Variants in FAT3 observed in about 807,000 individuals in gnomAD.
The protein encoded by FAT3 is FAT atypical cadherin 3, also known as protocadherin Fat 3.
FAT3 carries 95 observed loss-of-function variants against 310.2 expected under a neutral mutation model. The ratio of observed to expected loss-of-function variants is 0.31; its 90% confidence interval spans 0.26 to 0.36. The LOEUF (loss-of-function observed/expected upper bound fraction) is 0.36. Ranked by LOEUF, FAT3 falls within the 10% of genes least tolerant of loss-of-function variation. The probability of loss-of-function intolerance (pLI) is 1.00; values close to 1 mark genes in which losing one functional copy is unlikely to be tolerated. For synonymous variants in FAT3, 2,314 were observed against 2,192.9 expected, an observed-to-expected ratio of 1.06 and a Z score of -1.54; for missense variants, 5,408 against 5,715.6, an observed-to-expected ratio of 0.95 and a Z score of 1.74.
At chr11:92,496,743 G>A (rs190133986) in intron 2 of FAT3, among the ~76,000 whole-genome samples, 48 of 152,024 alleles carry the variant, frequency 3.2e-4, no homozygotes, top group African/African-American at 1.1e-3. Context: ...GCAGCCCCAC[G>A]GTGTTAGATT....
At chr11:92,717,652 C>T (rs1277621820) in intron 4 of FAT3, among the ~76,000 whole-genome samples, 1 of 152,084 alleles carries the variant, frequency 6.6e-6, no homozygotes, top group Admixed American at 6.5e-5. Context: ...AGATTTTTTT[C>T]CTTTAATTCC....
At chr11:92,452,582 A>G (rs1475221954) in intron 2 of FAT3, among the ~76,000 whole-genome samples, 1 of 152,148 alleles carries the variant, frequency 6.6e-6, no homozygotes, top group East Asian at 1.9e-4. Context: ...AAGTACTACA[A>G]TGGGACCACA....
At chr11:92,304,773 A>G (rs1250216545) in intron 1 of FAT3, among the ~76,000 whole-genome samples, 2 of 152,078 alleles carry the variant, frequency 1.3e-5, no homozygotes, top group Non-Finnish European at 2.9e-5. Flanking sequence ...AAGCACAGGC[A>G]TGGGGTCCAA....
chr11:92,431,856 A>G (rs979659388), intron 2 of FAT3, among the ~76,000 whole-genome samples: 1 of 152,192 alleles, frequency 6.6e-6, no homozygotes, highest in Admixed American at 6.5e-5. Context: ...CCATTGGTCT[A>G]CATCTCTGTT....
At chr11:92,675,690 CCCT>C (rs1405553788) in intron 3 of FAT3, among the ~76,000 whole-genome samples, 4 of 152,170 alleles carry the variant, frequency 2.6e-5, no homozygotes, top group Non-Finnish European at 5.9e-5. Context: ...GTTCCCATCA[CCCT>C]CCATTTGAGG....
chr11:92,295,122 T>G (rs992901623), intron 1 of FAT3, among the ~76,000 whole-genome samples: 19 of 152,152 alleles, frequency 1.2e-4, no homozygotes, highest in African/African-American at 4.6e-4. Flanking sequence ...ATCATCTCAT[T>G]TACTCATTCA....
At chr11:92,866,277 G>T (rs1353391330) in intron 21 of FAT3, among the ~76,000 whole-genome samples, 4 of 152,170 alleles carry the variant, frequency 2.6e-5, no homozygotes, top group African/African-American at 9.7e-5. Flanking sequence ...GGGCAGAGAT[G>T]ATAACTCTAT....
At chr11:92,297,893 G>T (rs1946892324) in intron 1 of FAT3, among the ~76,000 whole-genome samples, 1 of 152,060 alleles carries the variant, frequency 6.6e-6, no homozygotes, top group Non-Finnish European at 1.5e-5. Context: ...TGTTTTATTT[G>T]AATATTTTGG....
intron 10 of FAT3, among the ~76,000 whole-genome samples, chr11:92,803,723 A>G (rs1232763082): frequency 6.6e-6 from 1 of 152,202 alleles, no homozygotes; most frequent in African/African-American, 2.4e-5. Context: ...CTTCCCTCCC[A>G]CCAATGTGAC....
chr11:92,756,560 G>A (rs962104682), intron 4 of FAT3, among the ~76,000 whole-genome samples: 5 of 152,104 alleles, frequency 3.3e-5, no homozygotes, highest in Admixed American at 3.3e-4. Flanking sequence ...TTAACTCTTC[G>A]GCTTAAAAAT....
chr11:92,293,003 G>A (rs1250335816), intron 1 of FAT3, among the ~76,000 whole-genome samples: 1 of 145,220 alleles, frequency 6.9e-6, no homozygotes, highest in Non-Finnish European at 1.5e-5. Context: ...ACAACATGGC[G>A]AGACTCTGCA....
At chr11:92,233,509 T>C (rs1864279973) in intron 1 of FAT3, among the ~76,000 whole-genome samples, 1 of 152,196 alleles carries the variant, frequency 6.6e-6, no homozygotes. Flanking sequence ...ATTAAATAAA[T>C]GTGGTGTCTG....
At chr11:92,726,990 A>G (rs1945021279) in intron 4 of FAT3, among the ~76,000 whole-genome samples, 1 of 152,138 alleles carries the variant, frequency 6.6e-6, no homozygotes, top group Non-Finnish European at 1.5e-5. Flanking sequence ...AACATTTACT[A>G]AAATACTGCT....
intron 4 of FAT3, among the ~76,000 whole-genome samples, chr11:92,709,250 A>T (rs530274150): frequency 6.6e-6 from 1 of 152,316 alleles, no homozygotes; most frequent in Admixed American, 6.5e-5. Flanking sequence ...TAGACATCTA[A>T]TGGGAATTTT....
chr11:92,846,301 C>G (rs950351410), intron 19 of FAT3, among the ~76,000 whole-genome samples: 7 of 152,078 alleles, frequency 4.6e-5, no homozygotes, highest in Non-Finnish European at 1.0e-4. Flanking sequence ...CAGCAATGTC[C>G]TAGGCACTAA....
At chr11:92,627,563 G>A (rs893913043) in intron 3 of FAT3, among the ~76,000 whole-genome samples, 2 of 152,088 alleles carry the variant, frequency 1.3e-5, no homozygotes, top group Non-Finnish European at 2.9e-5. Context: ...GTCCCCTTAG[G>A]AAAATAATTT....
At chr11:92,634,144 T>G (rs1370238420) in intron 3 of FAT3, among the ~76,000 whole-genome samples, 1 of 152,212 alleles carries the variant, frequency 6.6e-6, no homozygotes, top group Non-Finnish European at 1.5e-5. Flanking sequence ...CAGAGATTTT[T>G]GCAGTGAGTT....
chr11:92,358,719 T>C (rs1366160151), intron 2 of FAT3, among the ~76,000 whole-genome samples: 11 of 152,168 alleles, frequency 7.2e-5, no homozygotes, highest in Non-Finnish European at 1.6e-4. Context: ...AGTTTGGCAA[T>C]TGTATGTTCA....
At chr11:92,253,665 A>G (rs998402596) in intron 1 of FAT3, among the ~76,000 whole-genome samples, 12 of 152,136 alleles carry the variant, frequency 7.9e-5, no homozygotes, top group Non-Finnish European at 1.5e-4. Context: ...TATAGAGAGC[A>G]TTTCTTCACA....
Sources: gnomAD v4.1 joint callset for allele counts (sites outside exome capture counted in the v4.1 genomes callset) on GRCh38, gnomAD v4.1.1 for gene constraint, MANE v1.5 for transcripts, NCBI Gene and HGNC (gene_info 2026-07-23, HGNC 2026-07-21) for gene names.